The following NALF1 variants were observed in gnomAD, a reference collection of about 807,000 sequenced individuals.
The protein encoded by NALF1 is family with sequence similarity 155 member A.
NALF1 carries 3 observed loss-of-function variants against 48.4 expected under a neutral mutation model. The observed-to-expected ratio is 0.06, with a 90% confidence interval of 0.03 to 0.16. The LOEUF is 0.16. Ranked by LOEUF, NALF1 falls within the 10% of genes least tolerant of loss-of-function variation. The pLI is 1.00. For missense variants in NALF1, 526 were observed against 571.5 expected (o/e 0.92, Z 0.81); for synonymous variants, 262 against 245.7 (o/e 1.07, Z -0.62).
intron 1 of NALF1, among the ~76,000 whole-genome samples, chr13:107,516,720 T>C (rs1378985947): frequency 2.0e-5 from 3 of 152,140 alleles, no homozygotes; most frequent in South Asian, 2.1e-4. Flanking sequence ...ATTCCAGCTT[T>C]CCAAATTGAG....
intron 1 of NALF1, among the ~76,000 whole-genome samples, chr13:107,436,502 A>G (rs1191770768): frequency 6.6e-6 from 1 of 152,214 alleles, no homozygotes; most frequent in Non-Finnish European, 1.5e-5. Context: ...TCAATGCAGT[A>G]AAAGCATTTG....
intron 1 of NALF1, among the ~76,000 whole-genome samples, chr13:107,701,983 A>T (rs932855602): frequency 2.6e-5 from 4 of 152,230 alleles, no homozygotes; most frequent in Admixed American, 6.5e-5. Context: ...AAAATAAATT[A>T]AAAAATCACA....
At chr13:107,525,470 C>G (rs116060661) in intron 1 of NALF1, among the ~76,000 whole-genome samples, 5,512 of 152,172 alleles carry the variant, frequency 0.036, 175 homozygotes, top group African/African-American at 0.086. Context: ...TTATTGCTGA[C>G]TAGAATTTCA....
At chr13:107,692,480 C>A (rs1423102321) in intron 1 of NALF1, among the ~76,000 whole-genome samples, 1 of 152,086 alleles carries the variant, frequency 6.6e-6, no homozygotes, top group Non-Finnish European at 1.5e-5. Flanking sequence ...GAAATCAAAT[C>A]TAAATTGACT....
At chr13:107,429,665 A>C (rs1194352838) in intron 1 of NALF1, among the ~76,000 whole-genome samples, 1 of 152,224 alleles carries the variant, frequency 6.6e-6, no homozygotes, top group African/African-American at 2.4e-5. Context: ...CAATGACTTA[A>C]GACTACATAC....
intron 1 of NALF1, among the ~76,000 whole-genome samples, chr13:107,511,003 T>C (rs1875869954): frequency 6.6e-6 from 1 of 152,152 alleles, no homozygotes; most frequent in Admixed American, 6.6e-5. Context: ...AAGGCTCCAC[T>C]CTTAAGCCCT....
intron 1 of NALF1, among the ~76,000 whole-genome samples, chr13:107,405,502 C>T (rs1409239187): frequency 1.1e-4 from 17 of 152,016 alleles, no homozygotes; most frequent in Admixed American, 1.1e-3. Flanking sequence ...ATTCATTTCT[C>T]CTCCTTTCAA....
At chr13:107,472,114 T>C (rs1885110303) in intron 1 of NALF1, among the ~76,000 whole-genome samples, 1 of 152,122 alleles carries the variant, frequency 6.6e-6, no homozygotes, top group Non-Finnish European at 1.5e-5. Context: ...GGCAGATCAC[T>C]GGTCAGGAGT....
intron 1 of NALF1, among the ~76,000 whole-genome samples, chr13:107,609,119 A>G (rs1450616657): frequency 6.7e-6 from 1 of 150,284 alleles, no homozygotes; most frequent in Non-Finnish European, 1.5e-5. Context: ...CAAAACTTCC[A>G]CCTCCCTCCC....
At chr13:107,382,857 A>C (rs1883463942) in intron 1 of NALF1, among the ~76,000 whole-genome samples, 1 of 152,214 alleles carries the variant, frequency 6.6e-6, no homozygotes, top group Non-Finnish European at 1.5e-5. Flanking sequence ...CTTTTGGCTA[A>C]GTGGCTGGTG....
Position 107,564,076 on chromosome 13 carries a change from C to T in NALF1, c.915+301606G>A, listed in dbSNP as rs562616614. Among the ~76,000 whole-genome samples the T allele has an allele frequency of 2.1e-4, 32 of 152,058 alleles. 1 individual carries two copies. Among genetic ancestry groups the T allele is most frequent in the African/African-American group, 6.8e-4 (28 of 41,480 alleles). ...ATGGTTCTTAGCACTTTGGAATATA[C>T]GAGATGTATTGGGAAAGATGCTTGG... On this transcript the variant is annotated intron_variant, in intron 1 of 2. Transcript: ENST00000375915.
intron 1 of NALF1, among the ~76,000 whole-genome samples, chr13:107,422,473 G>GTCATCA (rs71121528): frequency 0.015 from 2,286 of 151,200 alleles, 30 homozygotes; most frequent in Middle Eastern, 0.034. Flanking sequence ...AATCATAACA[G>GTCATCA]TCATCATCAT....
intron 1 of NALF1, among the ~76,000 whole-genome samples, chr13:107,610,927 G>A (rs963235676): frequency 6.6e-6 from 1 of 152,144 alleles, no homozygotes; most frequent in Non-Finnish European, 1.5e-5. Flanking sequence ...GAGGAGGTAG[G>A]TGTCAATAAA....
intron 1 of NALF1, among the ~76,000 whole-genome samples, chr13:107,296,366 A>G (rs1042754906): frequency 6.6e-6 from 1 of 152,188 alleles, no homozygotes; most frequent in Non-Finnish European, 1.5e-5. Context: ...AAATTTGTTC[A>G]CAGCTTATTT....
chr13:107,721,273 C>T lies in NALF1; in HGVS notation c.915+144409G>A, dbSNP rs118184735. 2.0e-4 allele frequency among the ~76,000 whole-genome samples: 31 copies of T among 152,100 alleles called. No individual in the cohort carries two copies. The East Asian group carries it at 5.2e-3, about 26-fold the overall frequency. ...AATACATGTAAAAATGATACCGGTTCCTAGGGGACAAAAACATCATCTTCC... is the reference window on the plus strand; with the variant it reads ...AATACATGTAAAAATGATACCGGTTTCTAGGGGACAAAAACATCATCTTCC... On this transcript the variant is annotated intron_variant, in intron 1 of 2. Transcript: ENST00000375915.
chr13:107,316,308 T>C (rs1245584769), intron 1 of NALF1, among the ~76,000 whole-genome samples: 1 of 152,188 alleles, frequency 6.6e-6, no homozygotes, highest in Non-Finnish European at 1.5e-5. Context: ...TGATGGACAT[T>C]TGGGTTGGTT....
At chr13:107,209,845 G>A (rs1879723391) in intron 2 of NALF1, among the ~76,000 whole-genome samples, 1 of 152,118 alleles carries the variant, frequency 6.6e-6, no homozygotes, top group Non-Finnish European at 1.5e-5. Flanking sequence ...CCACCACTCG[G>A]ATTATCACAC....
chr13:107,780,367 G>A (rs1877853996), intron 1 of NALF1, among the ~76,000 whole-genome samples: 1 of 151,820 alleles, frequency 6.6e-6, no homozygotes, highest in Non-Finnish European at 1.5e-5. Flanking sequence ...CAATTTTTCT[G>A]TGCCTTAGAA....
At position 107,325,887 on chromosome 13, in the gene NALF1, T is replaced by TATACACAC. The variant is rs752320518; in HGVS notation, c.916-115133_916-115132insGTGTGTAT. ...ATATATATATATATATATATATATA[T>TATACACAC]ACACACACACACACACACACATATA... On this transcript the variant is annotated intron_variant, in intron 1 of 2. Transcript: ENST00000375915. 1.4e-3 allele frequency among the ~76,000 whole-genome samples: 82 copies of TATACACAC among 58,846 alleles called. 1 individual carries two copies. The highest frequency in any genetic ancestry group is 2.6e-3 in the South Asian group (3 of 1,142). 38.6% of individuals were successfully genotyped at this position (58,846 alleles called of 152,430 possible).
Sources: gnomAD v4.1 joint callset for allele counts (sites outside exome capture counted in the v4.1 genomes callset) on GRCh38, gnomAD v4.1.1 for gene constraint, MANE v1.5 for transcripts, NCBI Gene and HGNC (gene_info 2026-07-23, HGNC 2026-07-21) for gene names.